The following TBCK variants were observed in gnomAD, a reference collection of about 807,000 sequenced individuals.
TBCK encodes the protein TBC1 domain containing kinase.
A neutral mutation model predicts 113.4 loss-of-function variants in TBCK; 99 were observed. The ratio of observed to expected loss-of-function variants is 0.87; its 90% confidence interval spans 0.74 to 1.03. TBCK has a LOEUF of 1.03. TBCK is among the 50% of genes least tolerant of loss of function. The probability of loss-of-function intolerance (pLI) is 0.00; values close to 1 mark genes in which losing one functional copy is unlikely to be tolerated. For missense variants in TBCK, 1,045 were observed against 1,061.3 expected (o/e 0.98, Z 0.21); for synonymous variants, 369 against 370.8 (o/e 1.00, Z 0.05).
intron 25 of TBCK, among the ~76,000 whole-genome samples, chr4:106,055,210 CA>C (rs1350488593): frequency 6.6e-6 from 1 of 151,264 alleles, no homozygotes; most frequent in Non-Finnish European, 1.5e-5. Flanking sequence ...TGTCTGCAGC[CA>C]AAACTGCTCT....
intron 23 of TBCK, among the ~76,000 whole-genome samples, chr4:106,125,227 T>G (rs1745039127): frequency 6.6e-6 from 1 of 152,120 alleles, no homozygotes; most frequent in Non-Finnish European, 1.5e-5. Context: ...CTGCTGGGTA[T>G]ATACCCAAAA....
chr4:106,219,640 G>C (rs1273093722), intron 19 of TBCK, among the ~76,000 whole-genome samples: 1 of 151,630 alleles, frequency 6.6e-6, no homozygotes, highest in Admixed American at 6.6e-5. Flanking sequence ...CTACTCAAGG[G>C]CAAGTAACTA....
intron 25 of TBCK, among the ~76,000 whole-genome samples, chr4:106,059,957 A>G (rs538116155): frequency 6.6e-6 from 1 of 151,906 alleles, no homozygotes; most frequent in South Asian, 2.1e-4. Flanking sequence ...TAGGAGATCA[A>G]ACTAGCCACA....
At chr4:106,213,537 G>A (rs937381239) in intron 19 of TBCK, 7 of 154,908 alleles carry the variant, frequency 4.5e-5, no homozygotes, top group Non-Finnish European at 8.5e-5. Flanking sequence ...AAAGCAGGGC[G>A]AGGCATTGCC....
Position 106,235,256 on chromosome 4 carries a change from C to CT in TBCK, c.1449+12dup, listed in dbSNP as rs1277950637. ...ATAATTAATCAGCTTCTAACCTTTT[C>CT]TTTTTTCCTTACCTCAACTCCCAGA... On this transcript the variant is annotated intron_variant, in intron 15 of 25. Coordinates refer to ENST00000394708, the MANE Select transcript of TBCK (RefSeq NM_001163435.3). 1.3e-6 allele frequency: 2 copies of CT among 1,570,126 alleles called. No individual in the cohort carries two copies. Among genetic ancestry groups the CT allele is most frequent in the Admixed American group, 1.8e-5 (1 of 55,104 alleles).
At chr4:106,109,961 G>A (rs377653213) in intron 24 of TBCK, among the ~76,000 whole-genome samples, 6 of 152,074 alleles carry the variant, frequency 3.9e-5, no homozygotes, top group Non-Finnish European at 5.9e-5. Context: ...CCTCTTATCC[G>A]GAGCCCGAGA....
Position 106,046,342 on chromosome 4 carries a change from C to T in TBCK, c.*228G>A. On this transcript the variant is annotated 3_prime_UTR_variant, in exon 26 of 26. Transcript: ENST00000394708. ...TGGCAGTGTGGTAAAAATATATGAT[C>T]AGATTTCACTGTTAAGAAAATTCTT... 1 of 389,102 alleles carries T rather than the reference C, an allele frequency of 2.6e-6. No individual in the cohort carries two copies. The highest frequency in any genetic ancestry group is 4.6e-6 in the Non-Finnish European group (1 of 216,572). 24.1% of individuals were successfully genotyped at this position (389,102 alleles called of 1,614,324 possible).
chr4:106,316,603 C>T, upstream of TBCK: 1 of 1,550,946 alleles, frequency 6.4e-7, no homozygotes, highest in Non-Finnish European at 8.7e-7. Context: ...ATGTGAGTGA[C>T]GTCGTGGCGG....
intron 25 of TBCK, among the ~76,000 whole-genome samples, chr4:106,055,991 C>T (rs1323350689): frequency 6.7e-6 from 1 of 150,372 alleles, no homozygotes; most frequent in African/African-American, 2.4e-5. Flanking sequence ...AAGCCCTACA[C>T]CTTTTTTTCA....
At chr4:106,236,293 T>A (rs1480445062) in intron 14 of TBCK, 97 bp downstream of exon 14, 2 of 887,434 alleles carry the variant, frequency 2.3e-6, no homozygotes, top group Non-Finnish European at 3.0e-6. Context: ...TAAAAATTAA[T>A]CTTCTTATTA....
rs1246373065 is a variant in TBCK at position 106,171,286 on chromosome 4, T to C, written c.2060-16A>G. On this transcript the variant is annotated splice_polypyrimidine_tract_variant and intron_variant, in intron 22 of 25. Transcript: ENST00000394708. Reference sequence around the variant, plus strand: ...ATGTCAATTTCTAGATAGAAATGTTTTAAAAAAGCAAATGTATAGAATTTA... The same window carrying C: ...ATGTCAATTTCTAGATAGAAATGTTCTAAAAAAGCAAATGTATAGAATTTA... The C allele has an allele frequency of 6.3e-7, 1 of 1,591,228 alleles. No individual in the cohort carries two copies. The highest frequency in any genetic ancestry group is 8.5e-7 in the Non-Finnish European group (1 of 1,169,702).
intron 24 of TBCK, among the ~76,000 whole-genome samples, chr4:106,103,127 TAAGTC>T (rs1379968603): frequency 6.6e-6 from 1 of 152,220 alleles, no homozygotes; most frequent in African/African-American, 2.4e-5. Flanking sequence ...TATTATAAAT[TAAGTC>T]AATATAATAG....
chr4:106,171,234 T>G lies in TBCK; in HGVS notation c.2096A>C (p.Asn699Thr). The change falls in exon 23 of 26, where the codon AAC (asparagine) becomes ACC (threonine). Residue 699 changes from asparagine to threonine, a missense_variant. By Grantham distance (65) the Asn-to-Thr change is moderately conservative. Coordinates refer to ENST00000394708, the MANE Select transcript of TBCK (RefSeq NM_001163435.3). ...ACTTTTAGGAGTCCAACAAAACAGG[T>G]TGATAGATTCTCTCACACAGCGTTC... ...DIERCVRESI[N>T]LFCWTPKSAT... 1 of 1,611,258 alleles carries G rather than the reference T, an allele frequency of 6.2e-7. No individual in the cohort carries two copies. The highest frequency in any genetic ancestry group is 8.5e-7 in the Non-Finnish European group (1 of 1,179,042).
chr4:106,230,944 T>G (rs1262101231), intron 18 of TBCK, among the ~76,000 whole-genome samples: 1 of 151,806 alleles, frequency 6.6e-6, no homozygotes, highest in Non-Finnish European at 1.5e-5. Context: ...CTAGTCTAGA[T>G]TAATGAGTGA....
At chr4:106,228,338 G>A (rs781203567) in intron 19 of TBCK, among the ~76,000 whole-genome samples, 276 of 111,012 alleles carry the variant, frequency 2.5e-3, no homozygotes, top group Non-Finnish European at 3.8e-3. Context: ...TTATTCTTTC[G>A]GTTATTTTTT....
At position 106,244,767 on chromosome 4, in the gene TBCK, A is replaced by G. The variant is rs998917420; in HGVS notation, c.932-3T>C. The G allele has an allele frequency of 6.5e-7, 1 of 1,538,308 alleles. No individual in the cohort carries two copies. Among genetic ancestry groups the G allele is most frequent in the Non-Finnish European group, 8.9e-7 (1 of 1,127,328 alleles). On this transcript the variant is annotated splice_region_variant and splice_polypyrimidine_tract_variant and intron_variant, in intron 10 of 25. Transcript: ENST00000394708. Reference sequence around the variant, plus strand: ...TGCCAGGTAATCATTATTTATATCTATTAAAAGCAAATTTAAGGAATCATT... The same window carrying G: ...TGCCAGGTAATCATTATTTATATCTGTTAAAAGCAAATTTAAGGAATCATT...
intron 12 of TBCK, among the ~76,000 whole-genome samples, chr4:106,238,376 A>G (rs1759708038): frequency 6.6e-6 from 1 of 152,130 alleles, no homozygotes; most frequent in Admixed American, 6.6e-5. Context: ...TTAAATGGTT[A>G]GATAAGCTTT....
chr4:106,263,561 T>C (rs1210059904), intron 3 of TBCK, among the ~76,000 whole-genome samples: 1 of 151,904 alleles, frequency 6.6e-6, no homozygotes, highest in Non-Finnish European at 1.5e-5. Flanking sequence ...GAGGGAACTG[T>C]TCTATCCTTG....
intron 25 of TBCK, among the ~76,000 whole-genome samples, chr4:106,061,997 T>C (rs1035979930): frequency 2.6e-5 from 4 of 151,818 alleles, no homozygotes; most frequent in Admixed American, 6.6e-5. Flanking sequence ...ATGGCATTTA[T>C]GTGGAACACT....
Sources: allele counts gnomAD v4.1 joint callset (sites outside exome capture counted in the v4.1 genomes callset), GRCh38; gene constraint gnomAD v4.1.1; transcripts MANE v1.5; gene names NCBI Gene and HGNC (gene_info 2026-07-23, HGNC 2026-07-21).